Variants in ANK3 observed in about 807,000 individuals in gnomAD.
ANK3 encodes ankyrin 3.
A neutral mutation model predicts 370.9 loss-of-function variants in ANK3; 57 were observed. That is an observed-to-expected ratio of 0.15 (90% CI 0.12 to 0.19). The LOEUF is 0.19. Among genes scored for constraint, ANK3 ranks in the 10% least tolerant of loss-of-function variants. ANK3 has a pLI of 1.00. For missense variants in ANK3, 4,439 were observed against 5,302.1 expected (o/e 0.84, Z 5.06); for synonymous variants, 1,929 against 1,946.3 (o/e 0.99, Z 0.23).
chr10:60,146,106 A>C, intron 23 of ANK3: 1 of 1,504,342 alleles, frequency 6.6e-7, no homozygotes, highest in Non-Finnish European at 8.8e-7. Context: ...TCTATGTTCC[A>C]TCCACCAGAA....
intron 8 of ANK3, among the ~76,000 whole-genome samples, chr10:60,221,783 T>C (rs1170919175): frequency 6.6e-6 from 1 of 152,224 alleles, no homozygotes; most frequent in Non-Finnish European, 1.5e-5. Flanking sequence ...AAAGTCCCTG[T>C]GCTCACACTT....
chr10:60,499,054 T>C (rs147267475), intron 2 of ANK3, among the ~76,000 whole-genome samples: 165 of 152,346 alleles, frequency 1.1e-3, no homozygotes, highest in Admixed American at 1.6e-3. Context: ...GTTTATTTGT[T>C]GTTATAGTCA....
intron 2 of ANK3, among the ~76,000 whole-genome samples, chr10:60,467,650 T>A (rs1440153436): frequency 1.3e-5 from 2 of 152,174 alleles, no homozygotes; most frequent in African/African-American, 4.8e-5. Context: ...TTTTTTATAA[T>A]TAAAGAGCAA....
chr10:60,201,074 A>C (rs2096665905), intron 12 of ANK3, among the ~76,000 whole-genome samples: 6 of 152,262 alleles, frequency 3.9e-5, no homozygotes. Flanking sequence ...CTGCCTTTAT[A>C]AATTGGTCTT....
intron 2 of ANK3, among the ~76,000 whole-genome samples, chr10:60,561,617 G>C (rs1035749797): frequency 2.0e-5 from 3 of 152,116 alleles, no homozygotes; most frequent in Non-Finnish European, 2.9e-5. Context: ...TTGGATTCTG[G>C]GAAGAAAAAA....
chr10:60,590,669 A>T (rs1410458194), intron 2 of ANK3, among the ~76,000 whole-genome samples: 1 of 152,254 alleles, frequency 6.6e-6, no homozygotes, highest in South Asian at 2.1e-4. Flanking sequence ...GCCATTTAGT[A>T]GACATGGACA....
chr10:60,704,568 C>T (rs994869385), intron 1 of ANK3, among the ~76,000 whole-genome samples: 34 of 152,040 alleles, frequency 2.2e-4, no homozygotes, highest in African/African-American at 5.6e-4. Flanking sequence ...ATGGGGGTGA[C>T]GTTAGAAAAA....
chr10:60,328,735 A>G (rs1272334494), intron 1 of ANK3, among the ~76,000 whole-genome samples: 2 of 152,202 alleles, frequency 1.3e-5, no homozygotes, highest in Non-Finnish European at 2.9e-5. Context: ...TTCTGAAACT[A>G]TTCCAAACAA....
chr10:60,660,463 C>T (rs1226613333), intron 1 of ANK3, among the ~76,000 whole-genome samples: 1 of 152,150 alleles, frequency 6.6e-6, no homozygotes, highest in Non-Finnish European at 1.5e-5. Flanking sequence ...TATGCATATA[C>T]TTATCATTTC....
intron 2 of ANK3, among the ~76,000 whole-genome samples, chr10:60,439,146 T>A (rs1469312167): frequency 6.6e-6 from 1 of 152,124 alleles, no homozygotes; most frequent in African/African-American, 2.4e-5. Flanking sequence ...AATGATAGAT[T>A]ATCTAGGAGC....
At chr10:60,284,759 A>G (rs1045934221) in intron 1 of ANK3, among the ~76,000 whole-genome samples, 3 of 152,038 alleles carry the variant, frequency 2.0e-5, no homozygotes, top group Admixed American at 2.0e-4. Context: ...CAGTGAGTAC[A>G]TAACATAGCT....
intron 24 of ANK3, among the ~76,000 whole-genome samples, chr10:60,136,118 C>T (rs1318372901): frequency 2.0e-5 from 3 of 151,846 alleles, no homozygotes; most frequent in Non-Finnish European, 4.4e-5. Flanking sequence ...ATTGCAAGCC[C>T]TTCTTTCCGC....
At chr10:60,595,767 CT>C (rs2077979832) in intron 2 of ANK3, among the ~76,000 whole-genome samples, 1 of 152,088 alleles carries the variant, frequency 6.6e-6, no homozygotes, top group Non-Finnish European at 1.5e-5. Flanking sequence ...GTTAGTTTGC[CT>C]GCAACCAGGA....
intron 30 of ANK3, 64 bp downstream of exon 30, chr10:60,086,613 C>A: frequency 7.1e-7 from 1 of 1,403,464 alleles, no homozygotes; most frequent in Non-Finnish European, 9.8e-7. Context: ...TCTTTGTACA[C>A]AAATATATCT....
chr10:60,632,970 AT>A (rs2078505322), intron 1 of ANK3, among the ~76,000 whole-genome samples: 1 of 152,170 alleles, frequency 6.6e-6, no homozygotes, highest in Non-Finnish European at 1.5e-5. Context: ...AGCTGTAGGA[AT>A]TTTTAAATAT....
intron 1 of ANK3, among the ~76,000 whole-genome samples, chr10:60,380,947 C>T (rs1293651049): frequency 7.2e-5 from 11 of 152,020 alleles, no homozygotes; most frequent in Admixed American, 4.6e-4. Context: ...GAAGGGAATC[C>T]GCCGATAAAG....
At chr10:60,586,039 A>C (rs2077826220) in intron 2 of ANK3, among the ~76,000 whole-genome samples, 1 of 139,234 alleles carries the variant, frequency 7.2e-6, no homozygotes, top group Non-Finnish European at 1.6e-5. Flanking sequence ...CAAAAACAAA[A>C]ACAAACAAAC....
intron 1 of ANK3, among the ~76,000 whole-genome samples, chr10:60,288,934 G>A (rs1448594483): frequency 7.3e-6 from 1 of 136,744 alleles, no homozygotes; most frequent in Non-Finnish European, 1.6e-5. Flanking sequence ...ACACGTCACA[G>A]CCAAGGGATT....
chr10:60,128,374 CATTT>C (rs2093881644), intron 25 of ANK3, among the ~76,000 whole-genome samples: 1 of 119,388 alleles, frequency 8.4e-6, no homozygotes, highest in Admixed American at 8.5e-5. Flanking sequence ...TCAGTTTCTT[CATTT>C]TTTTTCTTTT....
Sources: allele counts gnomAD v4.1 joint callset (sites outside exome capture counted in the v4.1 genomes callset), GRCh38; gene constraint gnomAD v4.1.1; transcripts MANE v1.5; gene names NCBI Gene and HGNC (gene_info 2026-07-23, HGNC 2026-07-21).